The following ARHGAP32 variants were observed in gnomAD, a reference collection of about 807,000 sequenced individuals.
The protein encoded by ARHGAP32 is Rho GTPase activating protein 32.
ARHGAP32 carries 51 observed loss-of-function variants against 186.5 expected under a neutral mutation model. The observed-to-expected ratio is 0.27, with a 90% confidence interval of 0.22 to 0.35. ARHGAP32 has a LOEUF of 0.35. Among genes scored for constraint, ARHGAP32 ranks in the 10% least tolerant of loss-of-function variants. The pLI is 1.00. For missense variants in ARHGAP32, 2,186 were observed against 2,623.5 expected (o/e 0.83, Z 3.64); for synonymous variants, 950 against 964.3 (o/e 0.99, Z 0.27).
At chr11:129,269,643 C>T (rs1945449654) in intron 1 of ARHGAP32, among the ~76,000 whole-genome samples, 1 of 152,072 alleles carries the variant, frequency 6.6e-6, no homozygotes, top group South Asian at 2.1e-4. Flanking sequence ...AGGAGGATCA[C>T]CTGAGCCCAG....
chr11:129,257,470 T>C (rs913942534), intron 1 of ARHGAP32, among the ~76,000 whole-genome samples: 2 of 152,078 alleles, frequency 1.3e-5, no homozygotes, highest in Non-Finnish European at 2.9e-5. Flanking sequence ...ATCTCAATTT[T>C]AGTATTTAAA....
At chr11:129,134,573 A>G (rs1339336398) in intron 2 of ARHGAP32, among the ~76,000 whole-genome samples, 1 of 152,246 alleles carries the variant, frequency 6.6e-6, no homozygotes. Flanking sequence ...ACCAATTTTA[A>G]AATTCCAACT....
chr11:129,105,631 C>T (rs144998374), intron 5 of ARHGAP32, among the ~76,000 whole-genome samples: 6 of 151,978 alleles, frequency 3.9e-5, no homozygotes, highest in East Asian at 3.9e-4. Context: ...CCAAACAAAC[C>T]GCAGCCATGA....
At chr11:129,056,206 G>C (rs917814610) in intron 10 of ARHGAP32, among the ~76,000 whole-genome samples, 1 of 151,934 alleles carries the variant, frequency 6.6e-6, no homozygotes, top group African/African-American at 2.4e-5. Flanking sequence ...AGTGGGCAGG[G>C]GTATTACATG....
At chr11:129,133,046 CG>C (rs1277489557) in intron 2 of ARHGAP32, among the ~76,000 whole-genome samples, 1 of 151,960 alleles carries the variant, frequency 6.6e-6, no homozygotes, top group African/African-American at 2.4e-5. Context: ...GCATGACTGG[CG>C]AGGCCTCAGG....
At chr11:129,190,009 C>T (rs1364909875) in intron 1 of ARHGAP32, among the ~76,000 whole-genome samples, 1 of 152,220 alleles carries the variant, frequency 6.6e-6, no homozygotes, top group Non-Finnish European at 1.5e-5. Flanking sequence ...GCCCTCATCT[C>T]AGCTATGTGT....
chr11:129,064,728 C>G, intron 8 of ARHGAP32, 113 bp downstream of exon 8: 2 of 759,470 alleles, frequency 2.6e-6, no homozygotes, highest in South Asian at 3.7e-5. Context: ...TGAGAATATA[C>G]TTCATTTCTT....
intron 1 of ARHGAP32, among the ~76,000 whole-genome samples, chr11:129,244,393 CAG>C (rs1945059650): frequency 6.6e-6 from 1 of 152,148 alleles, no homozygotes; most frequent in Non-Finnish European, 1.5e-5. Context: ...TTATAACATT[CAG>C]TCAAATAGTA....
intron 11 of ARHGAP32, among the ~76,000 whole-genome samples, chr11:129,028,220 T>C (rs1938949164): frequency 6.6e-6 from 1 of 152,210 alleles, no homozygotes; most frequent in Non-Finnish European, 1.5e-5. Context: ...CAAAATTTTT[T>C]TGAGAGAAAT....
chr11:129,017,438 A>T (rs1938404281), intron 11 of ARHGAP32, among the ~76,000 whole-genome samples: 1 of 139,416 alleles, frequency 7.2e-6, no homozygotes, highest in South Asian at 2.3e-4. Flanking sequence ...CAAGAGCAAG[A>T]CCCGGTCTCA....
At chr11:129,253,176 T>C (rs1462794820) in intron 1 of ARHGAP32, among the ~76,000 whole-genome samples, 1 of 152,178 alleles carries the variant, frequency 6.6e-6, no homozygotes, top group Non-Finnish European at 1.5e-5. Flanking sequence ...TAAAGATCCA[T>C]TAAGAGTCTC....
At chr11:129,026,930 TCTACTA>T (rs1193046187) in intron 11 of ARHGAP32, among the ~76,000 whole-genome samples, 1 of 150,338 alleles carries the variant, frequency 6.7e-6, no homozygotes, top group African/African-American at 2.5e-5. Context: ...AAACCCCATC[TCTACTA>T]AAAATACAAA....
At chr11:129,224,554 T>C (rs372369417) in intron 1 of ARHGAP32, among the ~76,000 whole-genome samples, 352 of 152,094 alleles carry the variant, frequency 2.3e-3, no homozygotes, top group African/African-American at 8.3e-3. Flanking sequence ...ACTTACCCTA[T>C]TCCTTCCCTC....
intron 1 of ARHGAP32, among the ~76,000 whole-genome samples, chr11:129,221,507 G>A (rs1247984563): frequency 7.0e-6 from 1 of 143,334 alleles, no homozygotes; most frequent in Admixed American, 6.9e-5. Context: ...GTGTGTGTGT[G>A]TGTGTGTGTG....
chr11:128,987,170 G>A (rs1945898265), intron 13 of ARHGAP32, among the ~76,000 whole-genome samples: 1 of 152,142 alleles, frequency 6.6e-6, no homozygotes, highest in Non-Finnish European at 1.5e-5. Flanking sequence ...ATTTTAATAG[G>A]CAGGAAAATC....
intron 10 of ARHGAP32, among the ~76,000 whole-genome samples, chr11:129,042,636 A>T (rs564309160): frequency 2.7e-3 from 408 of 152,326 alleles, no homozygotes; most frequent in African/African-American, 9.3e-3. Context: ...CCCTCCATAA[A>T]AGGGTTTGGA....
At chr11:129,160,072 C>T (rs963085449) in intron 2 of ARHGAP32, among the ~76,000 whole-genome samples, 28 of 152,248 alleles carry the variant, frequency 1.8e-4, no homozygotes, top group African/African-American at 6.7e-4. Flanking sequence ...TAAAAACTCT[C>T]AATAAACTAG....
At chr11:129,033,084 G>A (rs1939181819) in intron 11 of ARHGAP32, among the ~76,000 whole-genome samples, 3 of 152,196 alleles carry the variant, frequency 2.0e-5, no homozygotes, top group Admixed American at 2.0e-4. Flanking sequence ...TTTTTTGTGA[G>A]ATTCAATCAT....
intron 11 of ARHGAP32, among the ~76,000 whole-genome samples, chr11:129,024,417 T>C (rs571712990): frequency 1.3e-5 from 2 of 152,348 alleles, no homozygotes; most frequent in East Asian, 3.9e-4. Context: ...GATAGCACTT[T>C]AGGCTCCTTT....
Sources: allele counts gnomAD v4.1 joint callset (sites outside exome capture counted in the v4.1 genomes callset), GRCh38; gene constraint gnomAD v4.1.1; transcripts MANE v1.5; gene names NCBI Gene and HGNC (gene_info 2026-07-23, HGNC 2026-07-21).